C1QTNF9: variants seen among roughly 807,000 people sequenced by gnomAD.
C1QTNF9 encodes the protein complement C1q and tumor necrosis factor-related protein 9A.
C1QTNF9 carries 6 observed loss-of-function variants against 10.1 expected under a neutral mutation model. The observed-to-expected ratio is 0.59, with a 90% CI of 0.32 to 1.17. The LOEUF (loss-of-function observed/expected upper bound fraction) is 1.17. Ranked by LOEUF, C1QTNF9 falls within the 50% of genes most tolerant of loss-of-function variation. The pLI is 0.04. For synonymous variants in C1QTNF9, 98 were observed against 163.5 expected (o/e 0.60, Z 3.06); for missense variants, 201 against 418.8 (o/e 0.48, Z 4.54).
chr13:24,317,475 T>C (rs567240198), intron 2 of C1QTNF9, among the ~76,000 whole-genome samples: 1 of 152,270 alleles, frequency 6.6e-6, no homozygotes, highest in Non-Finnish European at 1.5e-5. Context: ...TTTCAAGTTT[T>C]ATATACTTCT....
upstream of C1QTNF9, among the ~76,000 whole-genome samples, chr13:24,307,691 A>G (rs1877652094): frequency 6.6e-6 from 1 of 152,214 alleles, no homozygotes; most frequent in Admixed American, 6.5e-5. Context: ...CGAGCCCCAG[A>G]ACCCATAGGG....
At chr13:24,312,278 T>A (rs761063680) in intron 1 of C1QTNF9, among the ~76,000 whole-genome samples, 7 of 152,192 alleles carry the variant, frequency 4.6e-5, no homozygotes, top group Non-Finnish European at 8.8e-5. Flanking sequence ...TTCATAAAGC[T>A]CTAACCCAGG....
At chr13:24,311,800 G>A (rs1273987482) in intron 1 of C1QTNF9, among the ~76,000 whole-genome samples, 1 of 152,200 alleles carries the variant, frequency 6.6e-6, no homozygotes, top group African/African-American at 2.4e-5. Context: ...GTCATCTGAG[G>A]CCAGGGGTTT....
intron 2 of C1QTNF9, among the ~76,000 whole-genome samples, chr13:24,318,550 C>G (rs1401244214): frequency 2.6e-5 from 4 of 152,000 alleles, no homozygotes; most frequent in Non-Finnish European, 1.5e-5. Flanking sequence ...TTCGTCCTGT[C>G]TTGCTGTGCG....
intron 3 of C1QTNF9, 149 bp downstream of exon 3, chr13:24,319,029 G>A: frequency 7.3e-6 from 8 of 1,097,926 alleles, no homozygotes; most frequent in Non-Finnish European, 9.3e-6. Flanking sequence ...GCAGGGATTG[G>A]CAGGCTTTGC....
At chr13:24,311,799 G>A (rs894883635) in intron 1 of C1QTNF9, among the ~76,000 whole-genome samples, 1 of 152,182 alleles carries the variant, frequency 6.6e-6, no homozygotes, top group East Asian at 1.9e-4. Flanking sequence ...AGTCATCTGA[G>A]GCCAGGGGTT....
intron 3 of C1QTNF9, among the ~76,000 whole-genome samples, chr13:24,319,815 C>T (rs1162611654): frequency 6.6e-6 from 1 of 152,132 alleles, no homozygotes; most frequent in Admixed American, 6.6e-5. Flanking sequence ...TCACTTTGTG[C>T]TTTTCATGTA....
exon 4 of C1QTNF9, chr13:24,321,162 C>T: frequency 7.2e-7 from 1 of 1,391,544 alleles, no homozygotes; most frequent in South Asian, 1.3e-5. Flanking sequence ...ACGTGGGTCC[C>T]ACTGGTCCTG....
intron 1 of C1QTNF9, among the ~76,000 whole-genome samples, chr13:24,312,548 T>C (rs1877868870): frequency 6.6e-6 from 1 of 152,208 alleles, no homozygotes; most frequent in Admixed American, 6.5e-5. Flanking sequence ...TTTTTTATTT[T>C]TCAAAATAAC....
At chr13:24,310,386 C>T (rs1000271817) in intron 1 of C1QTNF9, among the ~76,000 whole-genome samples, 2 of 147,352 alleles carry the variant, frequency 1.4e-5, no homozygotes, top group Non-Finnish European at 3.0e-5. Flanking sequence ...CTCCTGACCT[C>T]GTGATCCGCC....
At chr13:24,312,926 G>T (rs1372384809) in intron 1 of C1QTNF9, among the ~76,000 whole-genome samples, 2 of 145,320 alleles carry the variant, frequency 1.4e-5, no homozygotes, top group African/African-American at 5.1e-5. Context: ...CTGCACTCCA[G>T]CCTGGGCGAC....
chr13:24,314,744 T>A (rs1413439212), intron 1 of C1QTNF9, among the ~76,000 whole-genome samples: 1 of 152,088 alleles, frequency 6.6e-6, no homozygotes, highest in Non-Finnish European at 1.5e-5. Context: ...CTTGGGAGGT[T>A]GAAGCAAGAG....
rs369366508 is a variant in C1QTNF9, at chr13:24,312,577, A to G, written c.-23+2961A>G. ...AAATAACATTAATATAATTTCTTCTATATTCCTTGTGCAAATCCTCAACCT... is the reference window on the plus strand; with the variant it reads ...AAATAACATTAATATAATTTCTTCTGTATTCCTTGTGCAAATCCTCAACCT... On this transcript the variant is annotated intron_variant, in intron 1 of 3. Coordinates refer to ENST00000332018, the Ensembl canonical transcript of C1QTNF9. Among the ~76,000 whole-genome samples the G allele has an allele frequency of 3.9e-5, 6 of 152,182 alleles. No homozygotes were observed. The East Asian group carries it at 5.8e-4, about 15-fold the overall frequency.
At chr13:24,312,959 A>AG (rs1877891113) in intron 1 of C1QTNF9, among the ~76,000 whole-genome samples, 1 of 151,422 alleles carries the variant, frequency 6.6e-6, no homozygotes, top group Non-Finnish European at 1.5e-5. Flanking sequence ...TATCTCAAAA[A>AG]AAAAAAAAAA....
At chr13:24,313,514 G>A (rs139291585) in intron 1 of C1QTNF9, among the ~76,000 whole-genome samples, 22 of 152,294 alleles carry the variant, frequency 1.4e-4, no homozygotes, top group East Asian at 7.7e-4. Flanking sequence ...AAGGAGGCTC[G>A]TGTATATTCT....
At chr13:24,309,282 A>AC (rs1566212518), upstream of C1QTNF9, among the ~76,000 whole-genome samples, 4 of 4,022 alleles carry the variant, frequency 9.9e-4, no homozygotes, top group Admixed American at 2.4e-3. Flanking sequence ...AACTTAAAGT[A>AC]TTATATATAT....
chr13:24,322,382 C>T (rs761346922), exon 4 of C1QTNF9: 2 of 152,228 alleles, frequency 1.3e-5, no homozygotes, highest in African/African-American at 4.8e-5. Context: ...TGGTGCTCTC[C>T]CTCCCACTTT....
At chr13:24,321,633 C>T (rs747833620) in exon 4 of C1QTNF9, 22 of 1,614,056 alleles carry the variant, frequency 1.4e-5, no homozygotes, top group African/African-American at 4.0e-5. Flanking sequence ...AGGCCTCTGG[C>T]GGCATTGTCC....
chr13:24,320,344 C>A (rs1878203643), intron 3 of C1QTNF9, among the ~76,000 whole-genome samples: 1 of 152,096 alleles, frequency 6.6e-6, no homozygotes, highest in Non-Finnish European at 1.5e-5. Context: ...GTGTGTGTGT[C>A]CATGTGCACA....
Sources: allele counts gnomAD v4.1 joint callset (sites outside exome capture counted in the v4.1 genomes callset), GRCh38; gene constraint gnomAD v4.1.1; transcripts MANE v1.5; gene names NCBI Gene and HGNC (gene_info 2026-07-23, HGNC 2026-07-21).